Variants in KCTD16 observed in about 807,000 individuals in gnomAD.
KCTD16 encodes BTB/POZ domain-containing protein KCTD16.
KCTD16 carries 13 observed loss-of-function variants against 33.2 expected under a neutral mutation model. That is an observed-to-expected ratio of 0.39 (90% CI 0.25 to 0.62). KCTD16 has a LOEUF of 0.62. Among genes scored for constraint, KCTD16 ranks in the 20% least tolerant of loss-of-function variants. The probability of loss-of-function intolerance (pLI) is 0.50; values close to 1 mark genes in which losing one functional copy is unlikely to be tolerated. For synonymous variants in KCTD16, 197 were observed against 195.3 expected, an observed-to-expected ratio of 1.01 and a Z score of -0.07; for missense variants, 441 against 525.1, an observed-to-expected ratio of 0.84 and a Z score of 1.57.
intron 3 of KCTD16, among the ~76,000 whole-genome samples, chr5:144,299,148 A>ATTTTT (rs369343270): frequency 3.6e-4 from 5 of 14,066 alleles, no homozygotes; most frequent in African/African-American, 5.4e-4. Flanking sequence ...ATATATATAT[A>ATTTTT]TTTTTTTTTT....
chr5:144,411,820 C>T (rs897626281), intron 3 of KCTD16, among the ~76,000 whole-genome samples: 1 of 152,020 alleles, frequency 6.6e-6, no homozygotes, highest in African/African-American at 2.4e-5. Context: ...ATACAAGGAG[C>T]TCAAGCAACT....
chr5:144,306,965 T>C (rs1396146391), intron 3 of KCTD16, among the ~76,000 whole-genome samples: 1 of 152,216 alleles, frequency 6.6e-6, no homozygotes, highest in Non-Finnish European at 1.5e-5. Flanking sequence ...GAACAGGTAA[T>C]TGATTTATCC....
intron 3 of KCTD16, among the ~76,000 whole-genome samples, chr5:144,434,588 A>G (rs537853676): frequency 1.1e-4 from 16 of 152,162 alleles, no homozygotes; most frequent in Non-Finnish European, 2.2e-4. Flanking sequence ...GTAATGTTAT[A>G]CATTATACAT....
intron 3 of KCTD16, among the ~76,000 whole-genome samples, chr5:144,452,525 C>A (rs139435801): frequency 2.0e-5 from 3 of 150,612 alleles, no homozygotes; most frequent in African/African-American, 7.3e-5. Flanking sequence ...GAAATAGGGA[C>A]GAGAAAGAGC....
chr5:144,423,825 A>T (rs572075437), intron 3 of KCTD16, among the ~76,000 whole-genome samples: 5 of 152,278 alleles, frequency 3.3e-5, no homozygotes, highest in South Asian at 2.1e-4. Flanking sequence ...CCTGGGAATT[A>T]TGCTTTATCC....
At chr5:144,361,406 C>CTTA (rs1366118381) in intron 3 of KCTD16, among the ~76,000 whole-genome samples, 3 of 152,104 alleles carry the variant, frequency 2.0e-5, no homozygotes. Flanking sequence ...GACCATCTGT[C>CTTA]TTATAACAAC....
At chr5:144,235,664 C>G (rs1375443187) in intron 3 of KCTD16, among the ~76,000 whole-genome samples, 1 of 151,966 alleles carries the variant, frequency 6.6e-6, no homozygotes, top group Non-Finnish European at 1.5e-5. Flanking sequence ...ATTATTATTA[C>G]TAGTATAGAA....
At chr5:144,202,048 A>T (rs564222847) in intron 2 of KCTD16, among the ~76,000 whole-genome samples, 5 of 152,346 alleles carry the variant, frequency 3.3e-5, no homozygotes, top group African/African-American at 9.6e-5. Flanking sequence ...AGGCGAAAAC[A>T]TATTTTATCA....
intron 3 of KCTD16, among the ~76,000 whole-genome samples, chr5:144,418,148 G>T (rs952357261): frequency 6.6e-6 from 1 of 152,176 alleles, no homozygotes; most frequent in Non-Finnish European, 1.5e-5. Flanking sequence ...CTTCAGGAGT[G>T]AAGCTGAAGA....
chr5:144,328,481 G>A (rs1208239550), intron 3 of KCTD16, among the ~76,000 whole-genome samples: 1 of 151,990 alleles, frequency 6.6e-6, no homozygotes, highest in Non-Finnish European at 1.5e-5. Flanking sequence ...GTGTGGGATA[G>A]GACCAGGAAG....
chr5:144,412,513 C>A (rs1003272897), intron 3 of KCTD16, among the ~76,000 whole-genome samples: 1 of 151,960 alleles, frequency 6.6e-6, no homozygotes, highest in African/African-American at 2.4e-5. Flanking sequence ...TTATCAGAGG[C>A]TAGGAAGGGT....
At chr5:144,394,265 T>C (rs141529243) in intron 3 of KCTD16, among the ~76,000 whole-genome samples, 56 of 152,326 alleles carry the variant, frequency 3.7e-4, no homozygotes, top group African/African-American at 1.3e-3. Context: ...CTCTTTTCAA[T>C]ATACTTTTTT....
chr5:144,283,518 TCTTAA>T (rs1401144760), intron 3 of KCTD16, among the ~76,000 whole-genome samples: 1 of 152,240 alleles, frequency 6.6e-6, no homozygotes, highest in East Asian at 1.9e-4. Context: ...AAAAATATCT[TCTTAA>T]CTGGTTCTGT....
chr5:144,448,562 T>A (rs1753872231), intron 3 of KCTD16, among the ~76,000 whole-genome samples: 1 of 152,122 alleles, frequency 6.6e-6, no homozygotes, highest in African/African-American at 2.4e-5. Flanking sequence ...CCTGCCACTT[T>A]AAAATATGCT....
rs77918393 is a variant in KCTD16, at chr5:144,202,093, C to T, written c.-326-4296C>T. Among the ~76,000 whole-genome samples, 741 of 152,318 alleles carry T rather than the reference C, an allele frequency of 4.9e-3. 7 individuals are homozygous for T. The highest frequency in any genetic ancestry group is 0.017 in the African/African-American group (689 of 41,560). ...TTTACCTAACATACGTCTTGATTTG[C>T]TATATGCTTGAATATTACAAAGAAC... is the stretch of plus-strand genomic sequence containing the variant. On this transcript the variant is annotated intron_variant, in intron 2 of 3. Coordinates refer to ENST00000512467, the MANE Select transcript of KCTD16 (RefSeq NM_020768.4).
chr5:144,471,843 CA>C (rs1216279125), intron 3 of KCTD16, among the ~76,000 whole-genome samples: 1 of 152,144 alleles, frequency 6.6e-6, no homozygotes, highest in Non-Finnish European at 1.5e-5. Context: ...GATGATTACT[CA>C]GTCACATTTT....
intron 3 of KCTD16, among the ~76,000 whole-genome samples, chr5:144,223,514 A>G (rs1266070506): frequency 6.6e-6 from 1 of 152,134 alleles, no homozygotes; most frequent in African/African-American, 2.4e-5. Flanking sequence ...GTACATTTGG[A>G]TCTTCCTGAC....
intron 3 of KCTD16, among the ~76,000 whole-genome samples, chr5:144,351,970 G>T (rs1205995973): frequency 6.6e-6 from 1 of 152,068 alleles, no homozygotes; most frequent in Non-Finnish European, 1.5e-5. Flanking sequence ...GTACATCAGG[G>T]TTACTTCTGT....
In KCTD16 at chr5:144,480,397, C is replaced by T. The variant is rs1045660460; in HGVS notation, c.*6283C>T. 11 of 151,942 alleles carry T rather than the reference C, an allele frequency of 7.2e-5. No individual in the cohort carries two copies. The highest frequency in any genetic ancestry group is 1.3e-4 in the Non-Finnish European group (9 of 67,938). 9.4% of individuals were successfully genotyped at this position (151,942 alleles called of 1,614,324 possible). A position where few individuals can be genotyped will look rare whatever the true frequency, so the allele number is the denominator to read the frequency against. The stretch of plus-strand genomic sequence containing the variant: ...TACTAATTTCTGGGGAAAAATCAAA[C>T]TCATATCCATGTATATAGTGAAGAG... On this transcript the variant is annotated 3_prime_UTR_variant, in exon 4 of 4. Coordinates refer to ENST00000512467, the MANE Select transcript of KCTD16 (RefSeq NM_020768.4).
Sources: gnomAD v4.1 joint callset for allele counts (sites outside exome capture counted in the v4.1 genomes callset) on GRCh38, gnomAD v4.1.1 for gene constraint, MANE v1.5 for transcripts, NCBI Gene and HGNC (gene_info 2026-07-23, HGNC 2026-07-21) for gene names.